The following PBX1 variants were observed in gnomAD, a reference collection of about 807,000 sequenced individuals.
PBX1 encodes the protein pre-B-cell leukemia transcription factor 1.
In PBX1, 6 loss-of-function variants were observed where a neutral mutation model predicts 53.4. The ratio of observed to expected loss-of-function variants is 0.11; its 90% CI spans 0.06 to 0.22. The LOEUF is 0.22. Ranked by LOEUF, PBX1 falls within the 10% of genes least tolerant of loss-of-function variation. The pLI, the probability that PBX1 is intolerant of heterozygous loss-of-function variation, is 1.00. For synonymous variants in PBX1, 204 were observed against 212.3 expected (o/e 0.96, Z 0.34); for missense variants, 251 against 551.4 (o/e 0.46, Z 5.46).
intron 2 of PBX1, among the ~76,000 whole-genome samples, chr1:164,620,688 TC>T (rs1285611558): frequency 6.7e-6 from 1 of 149,942 alleles, no homozygotes; most frequent in Non-Finnish European, 1.5e-5. Context: ...TCTTTTCTTT[TC>T]TTTTTTTTTT....
At chr1:164,855,050 A>C (rs886074770), downstream of PBX1, among the ~76,000 whole-genome samples, 1 of 151,060 alleles carries the variant, frequency 6.6e-6, no homozygotes, top group Admixed American at 6.6e-5. Context: ...CTGAGCTCAA[A>C]TGATCCTCCC....
chr1:164,677,808 A>G (rs1661524621), intron 2 of PBX1, among the ~76,000 whole-genome samples: 1 of 152,112 alleles, frequency 6.6e-6, no homozygotes, highest in Non-Finnish European at 1.5e-5. Context: ...GAGGGTGACA[A>G]TGAGGGGATT....
chr1:164,746,630 G>A (rs572160120), intron 2 of PBX1, among the ~76,000 whole-genome samples: 112 of 152,080 alleles, frequency 7.4e-4, no homozygotes, highest in Non-Finnish European at 8.2e-4. Context: ...GGCTGTTCTC[G>A]AACTCTTGAC....
intron 2 of PBX1, among the ~76,000 whole-genome samples, chr1:164,766,517 C>G (rs545659953): frequency 6.7e-4 from 102 of 152,254 alleles, no homozygotes; most frequent in Admixed American, 1.2e-3. Context: ...ATAAAAGACT[C>G]TCATGCTGAG....
intron 2 of PBX1, among the ~76,000 whole-genome samples, chr1:164,597,849 T>G (rs1276838241): frequency 6.6e-6 from 1 of 152,158 alleles, no homozygotes; most frequent in Non-Finnish European, 1.5e-5. Flanking sequence ...TTAAGAGACT[T>G]AAATTAATTA....
chr1:164,697,339 C>T (rs2102038377), intron 2 of PBX1, among the ~76,000 whole-genome samples: 1 of 152,286 alleles, frequency 6.6e-6, no homozygotes, highest in African/African-American at 2.4e-5. Flanking sequence ...AAATGTCACC[C>T]TTTCTATGAA....
chr1:164,789,968 C>CT (rs59415842), intron 2 of PBX1, among the ~76,000 whole-genome samples: 35,450 of 149,986 alleles, frequency 0.24, 4,529 homozygotes, highest in African/African-American at 0.35. Context: ...AGAGGCGATT[C>CT]TTTTTTTTTT....
chr1:164,712,415 C>T (rs778256045), intron 2 of PBX1, among the ~76,000 whole-genome samples: 6 of 152,150 alleles, frequency 3.9e-5, no homozygotes, highest in African/African-American at 1.2e-4. Flanking sequence ...ACATTTTCAC[C>T]GACTGGCTGA....
At chr1:164,854,925 A>G (rs1051775105), downstream of PBX1, among the ~76,000 whole-genome samples, 1 of 146,022 alleles carries the variant, frequency 6.8e-6, no homozygotes, top group Non-Finnish European at 1.5e-5. Context: ...CACCAGAGTT[A>G]TCCTCCTCTC....
chr1:164,792,830 C>T lies in PBX1; in HGVS notation c.510+92C>T. 10 of 981,006 alleles carry T rather than the reference C, an allele frequency of 1.0e-5. No individual in the cohort carries two copies. In the South Asian group the frequency reaches 1.5e-4, roughly 15 times the overall value. 60.8% of individuals were successfully genotyped at this position (981,006 alleles called of 1,614,324 possible). On this transcript the variant is annotated intron_variant, in intron 3 of 8. Coordinates refer to ENST00000420696, the MANE Select transcript of PBX1 (RefSeq NM_002585.4). ...GGGGCTTGCAGAGAGGAGCGGCTCA[C>T]CTTTCCCAGGTGCTGGCATCCCTGT...
intron 6 of PBX1, among the ~76,000 whole-genome samples, chr1:164,812,455 G>A (rs3820369): frequency 0.48 from 73,285 of 151,942 alleles, 17,920 homozygotes; most frequent in South Asian, 0.58. Context: ...ATATCAATAA[G>A]TAAGTTAGAC....
intron 2 of PBX1, among the ~76,000 whole-genome samples, chr1:164,607,546 A>G (rs959966158): frequency 6.6e-6 from 1 of 152,164 alleles, no homozygotes; most frequent in Non-Finnish European, 1.5e-5. Flanking sequence ...CCTGTAGGAT[A>G]TTCAAGTGGA....
At chr1:164,687,452 C>A (rs1662174589) in intron 2 of PBX1, among the ~76,000 whole-genome samples, 2 of 149,156 alleles carry the variant, frequency 1.3e-5, no homozygotes, top group African/African-American at 4.9e-5. Flanking sequence ...GTCCCAGCTA[C>A]TGGGGAGGCT....
chr1:164,684,770 G>A (rs1403450123), intron 2 of PBX1: 1 of 152,094 alleles, frequency 6.6e-6, no homozygotes, highest in African/African-American at 2.4e-5. Flanking sequence ...ACCTTGTATT[G>A]GCAAAAAGAT....
intron 2 of PBX1, among the ~76,000 whole-genome samples, chr1:164,569,220 T>C (rs1653658810): frequency 6.6e-6 from 1 of 152,202 alleles, no homozygotes; most frequent in Non-Finnish European, 1.5e-5. Flanking sequence ...TCTCTGAGTT[T>C]GTATCCTAGA....
At chr1:164,653,388 A>G (rs1438000235) in intron 2 of PBX1, among the ~76,000 whole-genome samples, 1 of 151,552 alleles carries the variant, frequency 6.6e-6, no homozygotes, top group Non-Finnish European at 1.5e-5. Flanking sequence ...TTTAGTATGT[A>G]AGATACAATT....
chr1:164,732,595 T>C (rs1665055743), intron 2 of PBX1, among the ~76,000 whole-genome samples: 1 of 152,072 alleles, frequency 6.6e-6, no homozygotes, highest in Non-Finnish European at 1.5e-5. Context: ...TCCATTACTT[T>C]TAATGGCAAA....
rs757935208 is a variant in PBX1 at position 164,563,298 on chromosome 1, C to A, written c.252C>A (p.Ile84=). 1.2e-6 allele frequency: 2 copies of A among 1,605,976 alleles called. No homozygotes were observed. The highest frequency in any genetic ancestry group is 1.7e-5 in the Admixed American group (1 of 59,356). Residue 84 remains isoleucine (I), a synonymous_variant, in exon 2 of 9, where the codon ATC becomes ATA. Coordinates refer to ENST00000420696, the MANE Select transcript of PBX1 (RefSeq NM_002585.4). ...CCTTGTTTAATGTGTTGTGTGAAATCAAAGAAAAAACAGGTAGGAATGAGA... is the reference window on the plus strand; with the variant it reads ...CCTTGTTTAATGTGTTGTGTGAAATAAAAGAAAAAACAGGTAGGAATGAGA... ...KPALFNVLCE[I]KEKTVLSIRG...
chr1:164,645,112 T>C (rs531776843), intron 2 of PBX1, among the ~76,000 whole-genome samples: 57 of 152,300 alleles, frequency 3.7e-4, no homozygotes, highest in African/African-American at 1.3e-3. Context: ...ATCGATTTCT[T>C]TCTACCCATG....
Sources: allele counts gnomAD v4.1 joint callset (sites outside exome capture counted in the v4.1 genomes callset), GRCh38; gene constraint gnomAD v4.1.1; transcripts MANE v1.5; gene names NCBI Gene and HGNC (gene_info 2026-07-23, HGNC 2026-07-21).